The following CPNE3 variants were observed in gnomAD, a reference collection of about 807,000 sequenced individuals.
The protein encoded by CPNE3 is copine-3.
In CPNE3, 68 loss-of-function variants were observed where a neutral mutation model predicts 63.9. The ratio of observed to expected loss-of-function variants is 1.06; its 90% CI spans 0.87 to 1.30. CPNE3 has a LOEUF of 1.30. Ranked by LOEUF, CPNE3 falls within the 50% of genes most tolerant of loss-of-function variation. The pLI, the probability that CPNE3 is intolerant of heterozygous loss-of-function variation, is 0.00. For synonymous variants in CPNE3, 219 were observed against 197.5 expected, an observed-to-expected ratio of 1.11 and a Z score of -0.91; for missense variants, 665 against 578.1, an observed-to-expected ratio of 1.15 and a Z score of -1.54.
intron 2 of CPNE3, among the ~76,000 whole-genome samples, chr8:86,517,751 C>A (rs561838800): frequency 1.3e-5 from 2 of 152,302 alleles, no homozygotes; most frequent in East Asian, 1.9e-4. Flanking sequence ...GTCTGCCTTC[C>A]TGCAGTGTAA....
intron 14 of CPNE3, among the ~76,000 whole-genome samples, chr8:86,552,989 G>A (rs1460062113): frequency 1.5e-4 from 4 of 27,154 alleles, no homozygotes; most frequent in East Asian, 1.2e-3. Context: ...GCCCACAACC[G>A]AGTAGCTGGG....
chr8:86,533,022 T>TC (rs1820715543), intron 6 of CPNE3, among the ~76,000 whole-genome samples: 1 of 139,896 alleles, frequency 7.1e-6, no homozygotes, highest in East Asian at 2.1e-4. Flanking sequence ...CTTTTATCTA[T>TC]CTTATCTATC....
At chr8:86,535,221 G>A (rs1487210547) in intron 6 of CPNE3, among the ~76,000 whole-genome samples, 1 of 151,982 alleles carries the variant, frequency 6.6e-6, no homozygotes, top group African/African-American at 2.4e-5. Context: ...GGTGGAATTG[G>A]TATTTAGAGA....
chr8:86,522,548 C>CTTTTTTTTTTTTTTTTT (rs36073581), intron 2 of CPNE3, among the ~76,000 whole-genome samples: 1 of 82,234 alleles, frequency 1.2e-5, no homozygotes, highest in Admixed American at 1.5e-4. Context: ...ACGCCCGCTG[C>CTTTTTTTTTTTTTTTTT]TTTTTTTTTT....
chr8:86,539,606 T>A (rs1820881847), intron 7 of CPNE3, among the ~76,000 whole-genome samples: 1 of 152,144 alleles, frequency 6.6e-6, no homozygotes, highest in African/African-American at 2.4e-5. Flanking sequence ...TATTTGAATC[T>A]TCTGTGCCCT....
At chr8:86,542,461 C>G (rs1820962043) in intron 8 of CPNE3, among the ~76,000 whole-genome samples, 1 of 152,022 alleles carries the variant, frequency 6.6e-6, no homozygotes, top group Admixed American at 6.5e-5. Context: ...TGTGTGCATT[C>G]TCTTTCATAT....
intron 9 of CPNE3, among the ~76,000 whole-genome samples, chr8:86,545,846 A>G (rs927696287): frequency 5.9e-5 from 9 of 152,214 alleles, no homozygotes; most frequent in African/African-American, 1.9e-4. Context: ...CACTGTGAAG[A>G]AAAAATTAAA....
At chr8:86,533,350 C>T (rs1820726472) in intron 6 of CPNE3, among the ~76,000 whole-genome samples, 1 of 151,980 alleles carries the variant, frequency 6.6e-6, no homozygotes, top group African/African-American at 2.4e-5. Context: ...TGAGACCAGC[C>T]TGGGCAACAT....
At chr8:86,545,108 G>A (rs770807847) in intron 9 of CPNE3, 4 of 223,574 alleles carry the variant, frequency 1.8e-5, no homozygotes, top group Admixed American at 5.7e-5. Context: ...TCAGTCATTA[G>A]GAATAGAAGT....
intron 15 of CPNE3, among the ~76,000 whole-genome samples, chr8:86,555,579 C>T (rs1409182315): frequency 6.6e-6 from 1 of 152,154 alleles, no homozygotes; most frequent in African/African-American, 2.4e-5. Flanking sequence ...GGAGTCACTA[C>T]TTGATGTAAC....
intron 2 of CPNE3, among the ~76,000 whole-genome samples, chr8:86,524,530 A>C (rs865825356): frequency 4.6e-5 from 7 of 152,116 alleles, no homozygotes; most frequent in Non-Finnish European, 7.4e-5. Context: ...CCTAGGGATT[A>C]TTTGTGTTTT....
rs780645966 is a variant in CPNE3, at chr8:86,546,621, A to G, written c.759A>G (p.Lys253=). The G allele has an allele frequency of 1.9e-6, 3 of 1,613,770 alleles. No homozygotes were observed. Among genetic ancestry groups the G allele is most frequent in the Non-Finnish European group, 2.5e-6 (3 of 1,179,918 alleles). Residue 253 remains lysine (K), a synonymous_variant, in exon 10 of 17, where the codon AAA becomes AAG. Transcript: ENST00000517490. ...SPVEFECINE[K]KRQKKKSYKN... Reference sequence around the variant, plus strand: ...TTGAATTTGAATGCATAAATGAGAAAAAAAGGCAAAAGAAAAAAAGCTACA... The same window carrying G: ...TTGAATTTGAATGCATAAATGAGAAGAAAAGGCAAAAGAAAAAAAGCTACA...
At chr8:86,529,729 A>C (rs1448697258) in intron 4 of CPNE3, among the ~76,000 whole-genome samples, 1 of 152,122 alleles carries the variant, frequency 6.6e-6, no homozygotes, top group Non-Finnish European at 1.5e-5. Context: ...ATGGCTCCCC[A>C]TTTTGCTCCT....
chr8:86,528,730 GTGAAGAGTTTTTTTAATGTTA>G (rs1820599055), intron 3 of CPNE3, 53 bp downstream of exon 3: 1 of 1,543,448 alleles, frequency 6.5e-7, no homozygotes, highest in Non-Finnish European at 8.7e-7. Context: ...TTTTAACAAT[GTGAAGAGTTTTTTTAATGTTA>G]AAAATAACAA....
chr8:86,554,917 A>AT lies in CPNE3; in HGVS notation c.1192dup (p.Ser398PhefsTer31). 11 of 1,614,078 alleles carry AT rather than the reference A, an allele frequency of 6.8e-6. No homozygotes were observed. Among genetic ancestry groups the AT allele is most frequent in the Non-Finnish European group, 9.3e-6 (11 of 1,179,998 alleles). ...CAGATAAAACTCTATGGACCAACTAATTTTTCTCCAATCATAAATCACGTG... is the reference window on the plus strand; with the variant it reads ...CAGATAAAACTCTATGGACCAACTAATTTTTTCTCCAATCATAAATCACGTG... On this transcript the variant is annotated frameshift_variant, in exon 15 of 17. Transcript: ENST00000517490. LOFTEE classifies it high-confidence loss of function.
At position 86,534,604 on chromosome 8, in the gene CPNE3, C is replaced by T. The variant is rs188279762; in HGVS notation, c.459+2024C>T. Among the ~76,000 whole-genome samples the T allele has an allele frequency of 1.8e-3, 275 of 152,098 alleles. 1 individual carries two copies. The highest frequency in any genetic ancestry group is 2.1e-3 in the Non-Finnish European group (144 of 67,988). ...CTGGGAGGCGGAGGTTGCAGTGAGC[C>T]GAGATCATGCCACTGCATTCCAGCT... On this transcript the variant is annotated intron_variant, in intron 6 of 16. Coordinates refer to ENST00000517490, the MANE Select transcript of CPNE3 (RefSeq NM_003909.5).
At chr8:86,552,633 C>T (rs1452290263) in intron 14 of CPNE3, among the ~76,000 whole-genome samples, 5 of 151,638 alleles carry the variant, frequency 3.3e-5, no homozygotes, top group Non-Finnish European at 7.4e-5. Flanking sequence ...AGATACTATA[C>T]AGCAAAAAGC....
chr8:86,516,499 G>A (rs1001363408), intron 2 of CPNE3, among the ~76,000 whole-genome samples: 26 of 152,104 alleles, frequency 1.7e-4, no homozygotes, highest in African/African-American at 6.0e-4. Context: ...TGCAGCATCT[G>A]TTTCGGTACC....
chr8:86,551,416 G>T, intron 14 of CPNE3, 182 bp downstream of exon 14: 1 of 579,264 alleles, frequency 1.7e-6, no homozygotes, highest in South Asian at 2.3e-5. Flanking sequence ...CCAGGTTGGT[G>T]GTTAGGGTGG....
Sources: allele counts gnomAD v4.1 joint callset (sites outside exome capture counted in the v4.1 genomes callset), GRCh38; gene constraint gnomAD v4.1.1; transcripts MANE v1.5; gene names NCBI Gene and HGNC (gene_info 2026-07-23, HGNC 2026-07-21).